NSD2: variants seen among roughly 807,000 people sequenced by gnomAD.
NSD2 encodes the protein nuclear receptor binding SET domain protein 2.
A neutral mutation model predicts 139.0 loss-of-function variants in NSD2; 12 were observed. That is an observed-to-expected ratio of 0.09 (90% CI 0.06 to 0.14). The LOEUF is 0.14. Among genes scored for constraint, NSD2 ranks in the 10% least tolerant of loss-of-function variants. The probability of loss-of-function intolerance (pLI) is 1.00; values close to 1 mark genes in which losing one functional copy is unlikely to be tolerated. For missense variants in NSD2, 1,155 were observed against 1,745.0 expected (o/e 0.66, Z 6.02); for synonymous variants, 669 against 648.7 (o/e 1.03, Z -0.48).
chr4:1,934,634 G>T (rs1282879419), intron 6 of NSD2, among the ~76,000 whole-genome samples: 1 of 149,556 alleles, frequency 6.7e-6, no homozygotes, highest in Non-Finnish European at 1.5e-5. Context: ...CGGATCACGA[G>T]GACAGGAGTT....
At chr4:1,918,102 G>T in intron 4 of NSD2, 39 bp from the exon 5 acceptor site, 1 of 1,586,152 alleles carries the variant, frequency 6.3e-7, no homozygotes, top group Non-Finnish European at 8.6e-7. Flanking sequence ...TTTTATGTTT[G>T]TGTAGTGAAA....
At chr4:1,895,039 T>C (rs1451186532) in intron 1 of NSD2, among the ~76,000 whole-genome samples, 1 of 152,224 alleles carries the variant, frequency 6.6e-6, no homozygotes, top group Admixed American at 6.5e-5. Flanking sequence ...ACAGTATTTG[T>C]CTTTTTTGTG....
intron 6 of NSD2, among the ~76,000 whole-genome samples, chr4:1,934,103 T>G (rs1478392760): frequency 6.6e-6 from 1 of 152,072 alleles, no homozygotes; most frequent in Non-Finnish European, 1.5e-5. Context: ...GTTTTTTTTT[T>G]AGACAGAGTT....
Position 1,982,150 on chromosome 4 carries a change from A to AAATTGTGTATGAGTAT in NSD2, c.*3242_*3257dup, listed in dbSNP as rs1727831076. ...TTTAAAATGGAAAGCTGTGTTTGGA[A>AAATTGTGTATGAGTAT]AATTGTGTATGAGTATTTTTGTATT... is the stretch of plus-strand genomic sequence containing the variant. On this transcript the variant is annotated 3_prime_UTR_variant, in exon 22 of 22. Coordinates refer to ENST00000508803, the MANE Select transcript of NSD2 (RefSeq NM_001042424.3). 2.5e-6 allele frequency: 1 copy of AAATTGTGTATGAGTAT among 392,502 alleles called. No individual in the cohort carries two copies. Among genetic ancestry groups the AAATTGTGTATGAGTAT allele is most frequent in the African/African-American group, 2.1e-5 (1 of 48,528 alleles). The allele number at this position is 392,502 out of a possible 1,614,324, so 24.3% of individuals were successfully genotyped here.
At position 1,901,219 on chromosome 4, in the gene NSD2, G is replaced by A. The variant is rs1292473830; in HGVS notation, c.565G>A (p.Val189Met). The A allele has an allele frequency of 1.3e-6, 2 of 1,593,696 alleles. No homozygotes were observed. Among genetic ancestry groups the A allele is most frequent in the Non-Finnish European group, 1.7e-6 (2 of 1,172,548 alleles). The change falls in exon 2 of 22, where the codon GTG (valine) becomes ATG (methionine). Residue 189 changes from valine to methionine, a missense_variant. Coordinates refer to ENST00000508803, the MANE Select transcript of NSD2 (RefSeq NM_001042424.3). ...GCAGGGCCTTGTCGAAGCAGCTCTT[G>A]TGTCTAAGATCTCAAGTCCTTCAGA... ...LEQGLVEAALVSKISSPSDKK... is the reference protein window; with the variant it reads ...LEQGLVEAALMSKISSPSDKK...
rs1727615025 is a variant in NSD2, at chr4:1,980,159, G to A, written c.*1250G>A. ...TACGTGTGTTATGGGCACTGGTCTA[G>A]GCCAGGTATGACACCCACTCTCCTG... On this transcript the variant is annotated 3_prime_UTR_variant, in exon 22 of 22. Coordinates refer to ENST00000508803, the MANE Select transcript of NSD2 (RefSeq NM_001042424.3). The A allele has an allele frequency of 1.3e-5, 3 of 233,380 alleles. No homozygotes were observed. The highest frequency in any genetic ancestry group is 2.5e-5 in the Non-Finnish European group (3 of 118,092). 14.5% of individuals were successfully genotyped at this position (233,380 alleles called of 1,614,324 possible). A position where few individuals can be genotyped will look rare whatever the true frequency, so the allele number is the denominator to read the frequency against.
intron 6 of NSD2, among the ~76,000 whole-genome samples, chr4:1,932,101 G>A (rs1452093336): frequency 2.0e-5 from 3 of 152,088 alleles, no homozygotes; most frequent in East Asian, 1.9e-4. Context: ...CTAGGATGGC[G>A]CACCACATCA....
At chr4:1,951,014 A>C (rs1464448630) in intron 9 of NSD2, 58 bp from the exon 10 acceptor site, 1 of 1,598,898 alleles carries the variant, frequency 6.3e-7, no homozygotes, top group Non-Finnish European at 8.5e-7. Flanking sequence ...CCTGCAGGGC[A>C]TGGCCACCCG....
At chr4:1,910,066 C>T (rs1263922382) in intron 3 of NSD2, among the ~76,000 whole-genome samples, 2 of 152,024 alleles carry the variant, frequency 1.3e-5, no homozygotes, top group Non-Finnish European at 1.5e-5. Context: ...GTGAACATAA[C>T]TCATAAGCTA....
At chr4:1,919,612 A>C (rs1719857068) in intron 5 of NSD2, among the ~76,000 whole-genome samples, 1 of 152,052 alleles carries the variant, frequency 6.6e-6, no homozygotes, top group Admixed American at 6.6e-5. Context: ...CAGTAGTCTA[A>C]ATCTATGTGG....
Position 1,904,242 on chromosome 4 carries a change from A to G in NSD2, c.624A>G (p.Pro208=). The G allele has an allele frequency of 6.2e-7, 1 of 1,613,840 alleles. No individual in the cohort carries two copies. Among genetic ancestry groups the G allele is most frequent in the Non-Finnish European group, 8.5e-7 (1 of 1,179,868 alleles). The change falls in exon 3 of 22, where the codon CCA becomes CCG. Residue 208 remains proline (P), a synonymous_variant. Coordinates refer to ENST00000508803, the MANE Select transcript of NSD2 (RefSeq NM_001042424.3). ...TTCCAGCTAAGAAAGAGTCTTGTCC[A>G]AACACTGGAAGAGACAAAGACCACC... ...KKIPAKKESC[P]NTGRDKDHLL...
chr4:1,945,747 G>C, intron 9 of NSD2: 1 of 1,064,130 alleles, frequency 9.4e-7, no homozygotes, highest in South Asian at 4.6e-5. Context: ...CTCCTCTGAT[G>C]GCTGACATCA....
chr4:1,965,869 A>G (rs1274208086), intron 18 of NSD2, among the ~76,000 whole-genome samples: 1 of 152,236 alleles, frequency 6.6e-6, no homozygotes, highest in East Asian at 1.9e-4. Flanking sequence ...GGCATGGAGG[A>G]AACCCTCCCA....
At chr4:1,959,340 G>A (rs1725141637) in intron 16 of NSD2, 131 bp from the exon 17 acceptor site, 1 of 1,010,692 alleles carries the variant, frequency 9.9e-7, no homozygotes, top group Middle Eastern at 2.7e-4. Flanking sequence ...TGAGTAGTGT[G>A]TCCTAGCCAG....
At chr4:1,943,860 G>C (rs1016014975) in intron 9 of NSD2, 75 of 1,063,032 alleles carry the variant, frequency 7.1e-5, no homozygotes, top group Middle Eastern at 8.4e-4. Flanking sequence ...GATTTCATTT[G>C]AAATTACAGC....
intron 9 of NSD2, chr4:1,945,440 T>C (rs933246769): frequency 1.9e-6 from 2 of 1,064,166 alleles, no homozygotes; most frequent in African/African-American, 1.6e-5. Flanking sequence ...GTGCTGGGTC[T>C]GTCACAGAGA....
At chr4:1,890,267 C>T (rs1260343946) in intron 1 of NSD2, among the ~76,000 whole-genome samples, 1 of 152,012 alleles carries the variant, frequency 6.6e-6, no homozygotes, top group Non-Finnish European at 1.5e-5. Flanking sequence ...CTGCTGTGAA[C>T]ATTCTTGTAC....
Position 1,901,348 on chromosome 4 carries a change from A to G in NSD2, c.597+97A>G, listed in dbSNP as rs930655444. 27 of 1,140,226 alleles carry G rather than the reference A, an allele frequency of 2.4e-5. No homozygotes were observed. In the African/African-American group the frequency reaches 2.9e-4, roughly 12 times the overall value. 70.6% of individuals were successfully genotyped at this position (1,140,226 alleles called of 1,614,324 possible). A position where few individuals can be genotyped will look rare whatever the true frequency, so the allele number is the denominator to read the frequency against. ...TGCACGAGTACTGGGGCGGGCGGAG[A>G]AGGTGAGGACAGGCCTGGTACTTCC... On this transcript the variant is annotated intron_variant, in intron 2 of 21. Transcript: ENST00000508803.
chr4:1,930,499 C>A, intron 5 of NSD2, 127 bp from the exon 6 acceptor site: 2 of 1,008,438 alleles, frequency 2.0e-6, no homozygotes, highest in Non-Finnish European at 1.4e-6. Flanking sequence ...GGACATAGTT[C>A]CACGATGTGG....
Sources: allele counts gnomAD v4.1 joint callset (sites outside exome capture counted in the v4.1 genomes callset), GRCh38; gene constraint gnomAD v4.1.1; transcripts MANE v1.5; gene names NCBI Gene and HGNC (gene_info 2026-07-23, HGNC 2026-07-21).